Variants in CHRNA7 observed in about 807,000 individuals in gnomAD.
CHRNA7 encodes cholinergic receptor nicotinic alpha 7 subunit, also known as neuronal acetylcholine receptor subunit alpha-7.
A neutral mutation model predicts 48.0 loss-of-function variants in CHRNA7; 17 were observed. The ratio of observed to expected loss-of-function variants is 0.35; its 90% CI spans 0.24 to 0.53. The LOEUF (loss-of-function observed/expected upper bound fraction) is 0.53. CHRNA7 is among the 20% of genes least tolerant of loss of function. The probability of loss-of-function intolerance (pLI) is 0.92; values close to 1 mark genes in which losing one functional copy is unlikely to be tolerated. For missense variants in CHRNA7, 155 were observed against 577.7 expected, an observed-to-expected ratio of 0.27 and a Z score of 7.50; for synonymous variants, 75 against 242.3, an observed-to-expected ratio of 0.31 and a Z score of 6.41.
At chr15:32,037,489 G>A (rs537360027) in intron 2 of CHRNA7, among the ~76,000 whole-genome samples, 2 of 152,224 alleles carry the variant, frequency 1.3e-5, no homozygotes, top group African/African-American at 4.8e-5. Flanking sequence ...GATTGAATCT[G>A]TAGATCAAGT....
intron 4 of CHRNA7, among the ~76,000 whole-genome samples, chr15:32,124,022 A>G (rs961236717): frequency 1.3e-5 from 2 of 152,024 alleles, no homozygotes; most frequent in African/African-American, 4.8e-5. Flanking sequence ...ACTAGCAGAA[A>G]CGAGTTAAAA....
chr15:32,030,578 C>T lies in CHRNA7; in HGVS notation c.-17C>T, dbSNP rs199537230. 1.2e-5 allele frequency: 18 copies of T among 1,502,708 alleles called. No homozygotes were observed. In the African/African-American group the frequency reaches 1.7e-4, roughly 15 times the overall value. The allele number at this position is 1,502,708 out of a possible 1,614,324, so 93.1% of individuals were successfully genotyped here. ...AGACGTGGAGCGCGCCGGCTCGCTG[C>T]AGCTCCGGGACTCAACATGCGCTGC... On this transcript the variant is annotated 5_prime_UTR_variant, in exon 1 of 10. Transcript: ENST00000306901.
chr15:32,049,233 G>A (rs1036793321), intron 2 of CHRNA7, among the ~76,000 whole-genome samples: 3 of 151,916 alleles, frequency 2.0e-5, no homozygotes, highest in Non-Finnish European at 4.4e-5. Context: ...TCTGTCTAAT[G>A]TTGACAGTGG....
intron 2 of CHRNA7, among the ~76,000 whole-genome samples, chr15:32,074,610 C>T (rs535196252): frequency 1.7e-4 from 25 of 144,294 alleles, no homozygotes; most frequent in Non-Finnish European, 3.2e-4. Context: ...GTTTTTTCTG[C>T]GGCTCTTGAT....
chr15:32,044,792 G>A (rs1382740319), intron 2 of CHRNA7, among the ~76,000 whole-genome samples: 1 of 152,338 alleles, frequency 6.6e-6, no homozygotes, highest in Admixed American at 6.5e-5. Context: ...AGAGGCTAGG[G>A]ATGCTACTAA....
chr15:32,033,664 C>T (rs976253691), intron 2 of CHRNA7, among the ~76,000 whole-genome samples: 23 of 152,198 alleles, frequency 1.5e-4, no homozygotes, highest in African/African-American at 5.5e-4. Flanking sequence ...GTTTTTGAAG[C>T]AGAGCCAGGT....
intron 2 of CHRNA7, among the ~76,000 whole-genome samples, chr15:32,080,380 T>G (rs1375288358): frequency 6.6e-6 from 1 of 152,062 alleles, no homozygotes; most frequent in Non-Finnish European, 1.5e-5. Flanking sequence ...GTGAGAAAAT[T>G]TTTACAATCT....
intron 2 of CHRNA7, among the ~76,000 whole-genome samples, chr15:32,087,311 C>CT (rs1168027921): frequency 2.6e-5 from 4 of 152,186 alleles, no homozygotes; most frequent in African/African-American, 9.7e-5. Flanking sequence ...CTTAACAGCA[C>CT]TGGTGTTATT....
intron 4 of CHRNA7, among the ~76,000 whole-genome samples, chr15:32,121,143 C>A (rs763681909): frequency 6.6e-6 from 1 of 152,204 alleles, no homozygotes; most frequent in Non-Finnish European, 1.5e-5. Context: ...GGGGCCCGAG[C>A]TGGATGTGCC....
intron 3 of CHRNA7, 72 bp downstream of exon 3, chr15:32,101,419 T>G: frequency 6.8e-7 from 1 of 1,478,660 alleles, no homozygotes; most frequent in Non-Finnish European, 9.1e-7. Context: ...TTCTGATACC[T>G]GAGATGCTTG....
chr15:32,111,771 A>G lies in CHRNA7; in HGVS notation c.241-19A>G. 2.0e-6 allele frequency: 3 copies of G among 1,475,776 alleles called. No individual in the cohort carries two copies. Among genetic ancestry groups the G allele is most frequent in the Non-Finnish European group, 1.9e-6 (2 of 1,056,236 alleles). 91.4% of individuals were successfully genotyped at this position (1,475,776 alleles called of 1,614,324 possible). ...TAGCCAAGGAAGTGAAGTGCTGCTA[A>G]TGTCATTGTGTGTGTCAGTCTTGGA... On this transcript the variant is annotated intron_variant, in intron 3 of 9. Transcript: ENST00000306901.
In CHRNA7 at chr15:32,133,183, A is replaced by G. The variant is rs535001188; in HGVS notation, c.351-20724A>G. Among the ~76,000 whole-genome samples, 7 of 152,350 alleles carry G rather than the reference A, an allele frequency of 4.6e-5. No individual in the cohort carries two copies. In the South Asian group the frequency reaches 1.4e-3, roughly 32 times the overall value. On this transcript the variant is annotated intron_variant, in intron 4 of 9. Transcript: ENST00000306901. The stretch of plus-strand genomic sequence containing the variant: ...TTGTGTGCATAGTAATCCCAGTGTC[A>G]GAACATCTTCTCCTTCCACTGCTGG...
At chr15:32,089,750 C>A (rs919138295) in intron 2 of CHRNA7, among the ~76,000 whole-genome samples, 2 of 151,920 alleles carry the variant, frequency 1.3e-5, no homozygotes, top group African/African-American at 4.8e-5. Flanking sequence ...CTTTTAATTG[C>A]CTTGTAATTT....
chr15:32,092,855 T>C (rs1421007326), intron 2 of CHRNA7, among the ~76,000 whole-genome samples: 1 of 152,218 alleles, frequency 6.6e-6, no homozygotes, highest in Non-Finnish European at 1.5e-5. Flanking sequence ...GGGGTCTCCT[T>C]ATCTCTAACT....
chr15:32,052,139 G>C (rs1002411501), intron 2 of CHRNA7, among the ~76,000 whole-genome samples: 3 of 151,512 alleles, frequency 2.0e-5, no homozygotes, highest in Non-Finnish European at 2.9e-5. Flanking sequence ...CTCTCTTCCT[G>C]GATCTTGTCC....
intron 2 of CHRNA7, among the ~76,000 whole-genome samples, chr15:32,056,898 C>T (rs1489413306): frequency 1.3e-5 from 2 of 152,154 alleles, no homozygotes; most frequent in South Asian, 4.1e-4. Context: ...TTCAATTTAG[C>T]AGACGTTATA....
Position 32,043,244 on chromosome 15 carries a change from C to T in CHRNA7, c.195+12207C>T, listed in dbSNP as rs1462745601. Among the ~76,000 whole-genome samples, 3 of 4,972 alleles carry T rather than the reference C, an allele frequency of 6.0e-4. No individual in the cohort carries two copies. In the Non-Finnish European group the frequency reaches 0.016, roughly 27 times the overall value. 3.3% of individuals were successfully genotyped at this position (4,972 alleles called of 152,430 possible). ...CTATATTCCTTTTGTAATTTAAAAA[C>T]CATTTTAAAAATGTGTTTAAATGAT... On this transcript the variant is annotated intron_variant, in intron 2 of 9. Coordinates refer to ENST00000306901, the MANE Select transcript of CHRNA7 (RefSeq NM_000746.6).
At chr15:32,052,459 G>T (rs981636961) in intron 2 of CHRNA7, among the ~76,000 whole-genome samples, 1 of 152,120 alleles carries the variant, frequency 6.6e-6, no homozygotes, top group African/African-American at 2.4e-5. Flanking sequence ...GGCCAGGTGC[G>T]TTGGCTCACA....
intron 2 of CHRNA7, among the ~76,000 whole-genome samples, chr15:32,053,085 C>T (rs1466563719): frequency 6.6e-6 from 1 of 152,086 alleles, no homozygotes; most frequent in Non-Finnish European, 1.5e-5. Context: ...TCTCCTAAAA[C>T]CTGAAGAGGT....
Sources: gnomAD v4.1 joint callset for allele counts (sites outside exome capture counted in the v4.1 genomes callset) on GRCh38, gnomAD v4.1.1 for gene constraint, MANE v1.5 for transcripts, NCBI Gene and HGNC (gene_info 2026-07-23, HGNC 2026-07-21) for gene names.